The following PTPRO variants were observed in gnomAD, a reference collection of about 807,000 sequenced individuals.
PTPRO encodes the protein receptor-type tyrosine-protein phosphatase O.
Under a neutral mutation model 145.2 loss-of-function variants are expected in PTPRO, and 62 were observed. The observed-to-expected ratio is 0.43, with a 90% confidence interval of 0.35 to 0.53. The LOEUF is 0.53. Ranked by LOEUF, PTPRO falls within the 20% of genes least tolerant of loss-of-function variation. PTPRO has a pLI of 0.01. For synonymous variants in PTPRO, 565 were observed against 514.7 expected (o/e 1.10, Z -1.32); for missense variants, 1,345 against 1,482.7 (o/e 0.91, Z 1.53).
chr12:15,471,208 GTC>G (rs1186055448), intron 1 of PTPRO, among the ~76,000 whole-genome samples: 2 of 152,090 alleles, frequency 1.3e-5, no homozygotes, highest in Non-Finnish European at 2.9e-5. Flanking sequence ...GTGAAACCCT[GTC>G]TCTACAAAAA....
intron 1 of PTPRO, among the ~76,000 whole-genome samples, chr12:15,437,721 T>G (rs1217153773): frequency 6.6e-6 from 1 of 152,188 alleles, no homozygotes; most frequent in Non-Finnish European, 1.5e-5. Context: ...CCCACTCTCC[T>G]GGATTAGGAA....
At chr12:15,384,735 T>A (rs536676343) in intron 1 of PTPRO, among the ~76,000 whole-genome samples, 1 of 152,146 alleles carries the variant, frequency 6.6e-6, no homozygotes, top group Non-Finnish European at 1.5e-5. Flanking sequence ...AGAAAACAAA[T>A]CCATAGAAAT....
At chr12:15,386,272 T>C (rs1224324455) in intron 1 of PTPRO, among the ~76,000 whole-genome samples, 1 of 151,922 alleles carries the variant, frequency 6.6e-6, no homozygotes, top group Non-Finnish European at 1.5e-5. Flanking sequence ...TAAGAATAAA[T>C]GAATAGATGT....
Position 15,535,509 on chromosome 12 carries a change from C to T in PTPRO, c.2164+9247C>T, listed in dbSNP as rs192783548. Among the ~76,000 whole-genome samples, 20 of 152,308 alleles carry T rather than the reference C, an allele frequency of 1.3e-4. 1 individual carries two copies. The highest frequency in any genetic ancestry group is 7.2e-4 in the Admixed American group (11 of 15,298). On this transcript the variant is annotated intron_variant, in intron 12 of 26. Coordinates refer to ENST00000281171, the MANE Select transcript of PTPRO (RefSeq NM_030667.3). ...TCCTGACCACAGACATGTTCGGGCA[C>T]GTTCGAGATAAGGAATCATATAACT... is the stretch of plus-strand genomic sequence containing the variant.
At chr12:15,556,057 A>G (rs1233677974) in intron 15 of PTPRO, among the ~76,000 whole-genome samples, 1 of 152,236 alleles carries the variant, frequency 6.6e-6, no homozygotes, top group Admixed American at 6.5e-5. Context: ...CTTTAATGAT[A>G]GAAAGGACTG....
At chr12:15,532,278 T>C (rs1942977930) in intron 12 of PTPRO, among the ~76,000 whole-genome samples, 1 of 152,170 alleles carries the variant, frequency 6.6e-6, no homozygotes, top group Non-Finnish European at 1.5e-5. Flanking sequence ...ACTATCTTAA[T>C]TGGATTTAAA....
At position 15,328,777 on chromosome 12, in the gene PTPRO, CTT is replaced by C. The variant is rs537205888; in HGVS notation, c.75+5978_75+5979del. On this transcript the variant is annotated intron_variant, in intron 1 of 26. Transcript: ENST00000281171. Reference sequence around the variant, plus strand: ...CTCTTTATCTATTTGGTTTTTCACTCTTTATAAATAGGAATGCTGCACAGTTC... The same window carrying C: ...CTCTTTATCTATTTGGTTTTTCACTCTATAAATAGGAATGCTGCACAGTTC... 2.3e-4 allele frequency among the ~76,000 whole-genome samples: 35 copies of C among 152,222 alleles called. 1 individual carries two copies. The highest frequency in any genetic ancestry group is 9.2e-4 in the Admixed American group (14 of 15,290).
Position 15,481,992 on chromosome 12 carries a change from A to C in PTPRO, c.76-1982A>C, listed in dbSNP as rs564492977. Among the ~76,000 whole-genome samples, 3 of 152,274 alleles carry C rather than the reference A, an allele frequency of 2.0e-5. No individual in the cohort carries two copies. The South Asian group carries it at 6.2e-4, about 32-fold the overall frequency. On this transcript the variant is annotated intron_variant, in intron 1 of 26. Transcript: ENST00000281171. ...AAATAGAACTACCATATGATCCAGC[A>C]ATCCCACGACTGGGTATCTATCCAA...
At chr12:15,367,605 T>A (rs1328324595) in intron 1 of PTPRO, among the ~76,000 whole-genome samples, 1 of 152,200 alleles carries the variant, frequency 6.6e-6, no homozygotes, top group African/African-American at 2.4e-5. Flanking sequence ...TCCACTTAAA[T>A]GTCTAATAGA....
At chr12:15,529,397 T>C (rs1400153716) in intron 12 of PTPRO, among the ~76,000 whole-genome samples, 1 of 150,672 alleles carries the variant, frequency 6.6e-6, no homozygotes, top group Non-Finnish European at 1.5e-5. Flanking sequence ...CTCATGCCTG[T>C]AATCCAGCAC....
chr12:15,576,818 G>A (rs1944195853), intron 19 of PTPRO, among the ~76,000 whole-genome samples: 1 of 152,082 alleles, frequency 6.6e-6, no homozygotes, highest in Non-Finnish European at 1.5e-5. Flanking sequence ...ACCCTTCCAA[G>A]AACATACAGT....
rs1939496282 is a variant in PTPRO at position 15,401,637 on chromosome 12, T to C, written c.75+78836T>C. 2.0e-5 allele frequency among the ~76,000 whole-genome samples: 3 copies of C among 152,310 alleles called. No homozygotes were observed. In the South Asian group the frequency reaches 6.2e-4, roughly 32 times the overall value. ...AGTAGACATCCTACAGACAAATAAC[T>C]GAGAATTCACAGTATATTAAAAATT... On this transcript the variant is annotated intron_variant, in intron 1 of 26. Transcript: ENST00000281171.
intron 1 of PTPRO, among the ~76,000 whole-genome samples, chr12:15,359,924 G>A (rs1030737294): frequency 1.1e-4 from 17 of 152,268 alleles, no homozygotes; most frequent in Admixed American, 1.1e-3. Flanking sequence ...GGGACCTTCA[G>A]ATAGTTCCTA....
intron 1 of PTPRO, among the ~76,000 whole-genome samples, chr12:15,372,445 C>T (rs962133649): frequency 2.0e-5 from 3 of 152,174 alleles, no homozygotes; most frequent in Non-Finnish European, 4.4e-5. Context: ...ATTTTCAAAA[C>T]CCAGTCCCTC....
At chr12:15,324,840 A>C (rs1200338452) in intron 1 of PTPRO, among the ~76,000 whole-genome samples, 1 of 152,184 alleles carries the variant, frequency 6.6e-6, no homozygotes, top group Non-Finnish European at 1.5e-5. Context: ...TAAATTGGGC[A>C]CACAGTGTAA....
chr12:15,366,229 G>T (rs1349252765), intron 1 of PTPRO, among the ~76,000 whole-genome samples: 1 of 152,110 alleles, frequency 6.6e-6, no homozygotes, highest in Non-Finnish European at 1.5e-5. Flanking sequence ...TTAGAGTGTA[G>T]AAATACTTTC....
Position 15,578,885 on chromosome 12 carries a change from C to A in PTPRO, c.2862C>A (p.His954Gln), listed in dbSNP as rs771118901. 6.2e-7 allele frequency: 1 copy of A among 1,606,918 alleles called. No individual in the cohort carries two copies. The highest frequency in any genetic ancestry group is 8.5e-7 in the Non-Finnish European group (1 of 1,173,436). The change falls in exon 20 of 27, where the codon CAC becomes CAA. Residue 954 changes from histidine (H) to glutamine (Q), a missense_variant. Physicochemically the swap from His to Gln is conservative, Grantham distance 24 (BLOSUM62 0). Around this residue, in one of 3 missense-constraint regions of PTPRO, gnomAD observed 1,130 missense variants for 1,214.7 expected, o/e 0.93. Coordinates refer to ENST00000281171, the MANE Select transcript of PTPRO (RefSeq NM_030667.3). The part of the protein sequence containing the change: ...ELKLIGLDIP[H>Q]FAADLPLNRC... ...AATTGATTGGACTGGATATCCCACA[C>A]TTTGCTGCAGATCTTCCACTGAATC... is the stretch of plus-strand genomic sequence containing the variant.
At chr12:15,554,294 C>T (rs1248319661) in intron 15 of PTPRO, among the ~76,000 whole-genome samples, 1 of 152,072 alleles carries the variant, frequency 6.6e-6, no homozygotes, top group African/African-American at 2.4e-5. Context: ...GTTGGGGGAA[C>T]ATCAAGACTT....
Position 15,499,461 on chromosome 12 carries a change from A to G in PTPRO, c.528A>G (p.Thr176=). ...MLYKDFFKGK[T]VFNHWLPGMC... is the part of the protein sequence containing the mutation. ...TCACAGATTTCTTTAAGGGAAAAACAGTATTTAATCACTGGCTGCCAGGAA... is the reference window on the plus strand; with the variant it reads ...TCACAGATTTCTTTAAGGGAAAAACGGTATTTAATCACTGGCTGCCAGGAA... The change falls in exon 4 of 27, where the codon ACA becomes ACG. Residue 176 remains threonine (T), a synonymous_variant. Coordinates refer to ENST00000281171, the MANE Select transcript of PTPRO (RefSeq NM_030667.3). The G allele has an allele frequency of 2.5e-6, 4 of 1,613,530 alleles. 1 individual carries two copies. The South Asian group carries it at 3.3e-5, about 13-fold the overall frequency.
Sources: gnomAD v4.1 joint callset for allele counts (sites outside exome capture counted in the v4.1 genomes callset) on GRCh38, gnomAD v4.1.1 for gene constraint, gnomAD v4.1.1 regional missense constraint, MANE v1.5 for transcripts, NCBI Gene and HGNC (gene_info 2026-07-23, HGNC 2026-07-21) for gene names.